Variants in TSC22D1 observed in about 807,000 individuals in gnomAD.
TSC22D1 encodes TSC22 domain family protein 1.
TSC22D1 carries 9 observed loss-of-function variants against 74.2 expected under a neutral mutation model. The ratio of observed to expected loss-of-function variants is 0.12; its 90% confidence interval spans 0.07 to 0.21. The LOEUF (loss-of-function observed/expected upper bound fraction) is 0.21. TSC22D1 is among the 10% of genes least tolerant of loss of function. The pLI is 1.00. For synonymous variants in TSC22D1, 586 were observed against 492.5 expected (o/e 1.19, Z -2.51); for missense variants, 1,427 against 1,304.7 (o/e 1.09, Z -1.44).
intron 1 of TSC22D1, among the ~76,000 whole-genome samples, chr13:44,495,576 A>C (rs1878935538): frequency 6.6e-6 from 1 of 152,228 alleles, no homozygotes; most frequent in African/African-American, 2.4e-5. Context: ...GAACTAAAAG[A>C]CATCTACATA....
intron 1 of TSC22D1, among the ~76,000 whole-genome samples, chr13:44,560,930 T>C (rs560541010): frequency 3.9e-5 from 6 of 152,346 alleles, no homozygotes; most frequent in East Asian, 3.9e-4. Context: ...TCAACTTACA[T>C]GCCTCAGAAT....
At chr13:44,464,045 A>G (rs1877135875) in intron 1 of TSC22D1, among the ~76,000 whole-genome samples, 1 of 152,172 alleles carries the variant, frequency 6.6e-6, no homozygotes, top group Non-Finnish European at 1.5e-5. Context: ...CCTAGCTGAC[A>G]TCTTGACCTC....
chr13:44,574,149 T>C lies in TSC22D1; in HGVS notation c.1926A>G (p.Pro642=). The change falls in exon 1 of 3, where the codon CCA becomes CCG. Residue 642 remains proline, a synonymous_variant. Transcript: ENST00000458659. ...TTTGAGTCACTGATTTGACATGGCC[T>C]GGGGCCATCTGTGTAGAAACCATTG... ...QQPMVSTQMA[P]GHVKSVTQNP... 2 of 1,614,234 alleles carry C rather than the reference T, an allele frequency of 1.2e-6. No individual in the cohort carries two copies. The highest frequency in any genetic ancestry group is 1.6e-4 in the Middle Eastern group (1 of 6,062).
intron 1 of TSC22D1, among the ~76,000 whole-genome samples, chr13:44,448,525 G>A (rs1190412682): frequency 6.6e-6 from 1 of 152,148 alleles, no homozygotes. Context: ...ATGTAGTACA[G>A]GCCTAGGTAA....
At chr13:44,517,115 C>T (rs1422331096) in intron 1 of TSC22D1, among the ~76,000 whole-genome samples, 2 of 152,048 alleles carry the variant, frequency 1.3e-5, no homozygotes, top group African/African-American at 4.8e-5. Flanking sequence ...CACATGTATA[C>T]CTGTATATAA....
chr13:44,514,768 G>C (rs987265596), intron 1 of TSC22D1, among the ~76,000 whole-genome samples: 1 of 152,174 alleles, frequency 6.6e-6, no homozygotes, highest in African/African-American at 2.4e-5. Flanking sequence ...GCTGACGCAG[G>C]AGAATTGCTT....
chr13:44,441,922 G>A (rs1408875), intron 1 of TSC22D1, among the ~76,000 whole-genome samples: 54,948 of 151,844 alleles, frequency 0.36, 11,161 homozygotes, highest in Middle Eastern at 0.56. Flanking sequence ...CCCAAAAGAA[G>A]CAAGCAGAAC....
intron 1 of TSC22D1, among the ~76,000 whole-genome samples, chr13:44,500,938 C>T (rs1053633716): frequency 7.2e-5 from 11 of 152,124 alleles, no homozygotes; most frequent in African/African-American, 2.4e-4. Context: ...CTCCTGCCTT[C>T]GCCTCCCAAA....
chr13:44,555,220 G>A (rs1286920181), intron 1 of TSC22D1, among the ~76,000 whole-genome samples: 1 of 151,358 alleles, frequency 6.6e-6, no homozygotes, highest in Non-Finnish European at 1.5e-5. Flanking sequence ...ATAATCACAA[G>A]TGTCTTGCAA....
intron 1 of TSC22D1, among the ~76,000 whole-genome samples, chr13:44,511,488 C>G (rs1184677771): frequency 1.3e-5 from 2 of 152,110 alleles, no homozygotes; most frequent in African/African-American, 2.4e-5. Context: ...TGTTGGTACT[C>G]TAAGATCAGG....
At chr13:44,546,498 G>C (rs1156777352) in intron 1 of TSC22D1, among the ~76,000 whole-genome samples, 1 of 152,106 alleles carries the variant, frequency 6.6e-6, no homozygotes, top group Non-Finnish European at 1.5e-5. Flanking sequence ...AAGTGTCAAA[G>C]TCATGAAAGG....
intron 1 of TSC22D1, among the ~76,000 whole-genome samples, chr13:44,446,263 G>T (rs1157295987): frequency 6.6e-6 from 1 of 152,182 alleles, no homozygotes; most frequent in Non-Finnish European, 1.5e-5. Flanking sequence ...CACACTTAAA[G>T]ACTGCAAACC....
intron 1 of TSC22D1, among the ~76,000 whole-genome samples, chr13:44,467,179 A>AC (rs112827417): frequency 0.024 from 3,070 of 128,570 alleles, 90 homozygotes; most frequent in African/African-American, 0.072. Flanking sequence ...ACAAAAAAAC[A>AC]AAAAAAAATA....
rs566677208 is a variant in TSC22D1 at position 44,552,221 on chromosome 13, G to C, written c.2912+20942C>G. On this transcript the variant is annotated intron_variant, in intron 1 of 2. Coordinates refer to ENST00000458659, the MANE Select transcript of TSC22D1 (RefSeq NM_183422.4). ...ATGACTTCAAGGTTTCTCCATTTTT[G>C]ACAACCCTTTCTGTACTTCATATTT... is the stretch of plus-strand genomic sequence containing the variant. Among the ~76,000 whole-genome samples the C allele has an allele frequency of 6.8e-4, 104 of 152,188 alleles. 1 individual carries two copies. The highest frequency in any genetic ancestry group is 1.4e-3 in the Admixed American group (21 of 15,302).
At position 44,575,269 on chromosome 13, in the gene TSC22D1, T is replaced by C. The variant is rs368290126; in HGVS notation, c.806A>G (p.Asp269Gly). 3 of 1,613,986 alleles carry C rather than the reference T, an allele frequency of 1.9e-6. No homozygotes were observed. Among genetic ancestry groups the C allele is most frequent in the African/African-American group, 2.7e-5 (2 of 74,912 alleles). ...AGTTGGTGCAACTGGTGTGATACTG[T>C]CAGAGCTTCCAGTTGTAGAGAGTTT... is the stretch of plus-strand genomic sequence containing the variant. Reference protein sequence around the residue: ...SRKLSTTGSSDSITPVAPTSA... With the variant: ...SRKLSTTGSSGSITPVAPTSA... Residue 269 changes from aspartate to glycine, a missense_variant, in exon 1 of 3, where the codon GAC becomes GGC. This residue lies in a region of TSC22D1 where 1,343 missense variants were observed against 1,191.5 expected (regional missense o/e 1.13). Coordinates refer to ENST00000458659, the MANE Select transcript of TSC22D1 (RefSeq NM_183422.4).
At chr13:44,448,197 G>A (rs1875840341) in intron 1 of TSC22D1, among the ~76,000 whole-genome samples, 1 of 152,042 alleles carries the variant, frequency 6.6e-6, no homozygotes, top group Non-Finnish European at 1.5e-5. Flanking sequence ...CTTGCATGAA[G>A]TGAAAAATGA....
At chr13:44,441,374 T>C (rs966259885) in intron 1 of TSC22D1, among the ~76,000 whole-genome samples, 1 of 152,220 alleles carries the variant, frequency 6.6e-6, no homozygotes, top group Non-Finnish European at 1.5e-5. Context: ...AAAGGCAGTT[T>C]TACTGAAAAC....
chr13:44,572,877 A>C (rs2138250722), intron 1 of TSC22D1, among the ~76,000 whole-genome samples: 1 of 152,362 alleles, frequency 6.6e-6, no homozygotes, highest in South Asian at 2.1e-4. Context: ...ATTTCTAAAA[A>C]GCATTTTAGA....
intron 1 of TSC22D1, among the ~76,000 whole-genome samples, chr13:44,495,958 A>G (rs1878954076): frequency 6.6e-6 from 1 of 152,254 alleles, no homozygotes; most frequent in African/African-American, 2.4e-5. Flanking sequence ...AATACCAAAC[A>G]TATAAGCAAA....
Sources: gnomAD v4.1 joint callset for allele counts (sites outside exome capture counted in the v4.1 genomes callset) on GRCh38, gnomAD v4.1.1 for gene constraint, gnomAD v4.1.1 regional missense constraint, MANE v1.5 for transcripts, NCBI Gene and HGNC (gene_info 2026-07-23, HGNC 2026-07-21) for gene names.